Variants in ZMYM4 observed in about 807,000 individuals in gnomAD.
ZMYM4 encodes the protein zinc finger MYM-type containing 4.
In ZMYM4, 31 loss-of-function variants were observed where a neutral mutation model predicts 183.2. The ratio of observed to expected loss-of-function variants is 0.17; its 90% CI spans 0.13 to 0.23. The LOEUF (loss-of-function observed/expected upper bound fraction) is 0.23. Ranked by LOEUF, ZMYM4 falls within the 10% of genes least tolerant of loss-of-function variation. ZMYM4 has a pLI of 1.00. For synonymous variants in ZMYM4, 592 were observed against 631.2 expected (o/e 0.94, Z 0.93); for missense variants, 1,273 against 1,840.3 (o/e 0.69, Z 5.64).
At chr1:35,367,187 C>T (rs1486342658) in intron 5 of ZMYM4, among the ~76,000 whole-genome samples, 1 of 151,856 alleles carries the variant, frequency 6.6e-6, no homozygotes, top group African/African-American at 2.4e-5. Context: ...GTGGCAAATG[C>T]TGTTAAATGG....
intron 2 of ZMYM4, among the ~76,000 whole-genome samples, chr1:35,355,135 G>A (rs1277904367): frequency 3.3e-5 from 5 of 150,494 alleles, no homozygotes; most frequent in African/African-American, 1.2e-4. Flanking sequence ...CCAGGTTCAC[G>A]CCATTCTCCT....
At chr1:35,345,864 T>G (rs1328672937) in intron 2 of ZMYM4, among the ~76,000 whole-genome samples, 1 of 152,278 alleles carries the variant, frequency 6.6e-6, no homozygotes, top group East Asian at 1.9e-4. Context: ...ATTAACTGTT[T>G]ACATTGTTGT....
chr1:35,269,134 C>A, intron 1 of ZMYM4, 49 bp downstream of exon 1: 1 of 1,541,666 alleles, frequency 6.5e-7, no homozygotes, highest in Non-Finnish European at 8.7e-7. Flanking sequence ...GGGCGCGGCC[C>A]GGGGCCGGGA....
intron 1 of ZMYM4, among the ~76,000 whole-genome samples, chr1:35,285,034 G>A (rs1640405652): frequency 6.6e-6 from 1 of 152,010 alleles, no homozygotes; most frequent in African/African-American, 2.4e-5. Flanking sequence ...TGTTCTATTT[G>A]TCTATATGCC....
At chr1:35,351,169 C>T (rs1331532335) in intron 2 of ZMYM4, 2 of 1,253,846 alleles carry the variant, frequency 1.6e-6, no homozygotes, top group Non-Finnish European at 2.3e-6. Flanking sequence ...GCAGACCTTG[C>T]CAGAACTACC....
At chr1:35,296,426 A>ATTCT (rs1462943568) in intron 1 of ZMYM4, among the ~76,000 whole-genome samples, 1 of 152,216 alleles carries the variant, frequency 6.6e-6, no homozygotes, top group Non-Finnish European at 1.5e-5. Flanking sequence ...GTATCAGTAA[A>ATTCT]TTCTAACCAC....
At chr1:35,280,540 G>T (rs971458174) in intron 1 of ZMYM4, among the ~76,000 whole-genome samples, 2 of 152,196 alleles carry the variant, frequency 1.3e-5, no homozygotes, top group African/African-American at 4.8e-5. Context: ...AAACTTGGTG[G>T]TTTAAAATTA....
intron 1 of ZMYM4, among the ~76,000 whole-genome samples, chr1:35,304,166 C>T (rs909145395): frequency 3.9e-5 from 6 of 151,904 alleles, no homozygotes; most frequent in Non-Finnish European, 8.8e-5. Flanking sequence ...CTGGGATTAC[C>T]GGTGCATACC....
chr1:35,332,544 C>CA (rs1387208893), intron 2 of ZMYM4, among the ~76,000 whole-genome samples: 1 of 151,882 alleles, frequency 6.6e-6, no homozygotes. Flanking sequence ...TAACAGGACT[C>CA]AAAGACTGTG....
chr1:35,418,377 G>A, intron 28 of ZMYM4, 66 bp from the exon 29 acceptor site: 1 of 1,551,102 alleles, frequency 6.4e-7, no homozygotes, highest in Non-Finnish European at 8.8e-7. Context: ...AAGCTCATTG[G>A]TGTCTTGAGA....
At chr1:35,385,732 C>T (rs1455154021) in intron 10 of ZMYM4, 140 bp downstream of exon 10, 12 of 1,009,790 alleles carry the variant, frequency 1.2e-5, no homozygotes, top group Non-Finnish European at 1.6e-5. Flanking sequence ...TCACCTGTTA[C>T]CTTGATTGCT....
At chr1:35,385,027 T>C (rs1319031792) in intron 9 of ZMYM4, among the ~76,000 whole-genome samples, 1 of 152,026 alleles carries the variant, frequency 6.6e-6, no homozygotes, top group East Asian at 1.9e-4. Flanking sequence ...TGTATTTTTG[T>C]AGAGGCAGGG....
intron 22 of ZMYM4, 42 bp downstream of exon 22, chr1:35,399,085 A>G: frequency 1.3e-6 from 2 of 1,591,470 alleles, no homozygotes; most frequent in Non-Finnish European, 1.7e-6. Flanking sequence ...TTTTTATTTT[A>G]AAAGATCGGT....
chr1:35,305,193 C>T (rs1434796915), intron 1 of ZMYM4, among the ~76,000 whole-genome samples: 1 of 152,184 alleles, frequency 6.6e-6, no homozygotes, highest in African/African-American at 2.4e-5. Flanking sequence ...TGTAGTGTTT[C>T]TATAAATACC....
chr1:35,370,728 T>C, intron 7 of ZMYM4, 101 bp downstream of exon 7: 2 of 304,866 alleles, frequency 6.6e-6, no homozygotes, highest in Non-Finnish European at 7.6e-6. Context: ...CATTTATTCC[T>C]TTTTTTTTTT....
At chr1:35,399,449 A>G in intron 22 of ZMYM4, 33 bp from the exon 23 acceptor site, 6 of 1,584,860 alleles carry the variant, frequency 3.8e-6, no homozygotes, top group Non-Finnish European at 5.2e-6. Context: ...TGAGTTATTT[A>G]CCTCATGTTG....
Position 35,396,637 on chromosome 1 carries a change from A to G in ZMYM4, c.2997A>G (p.Gln999=). 1.9e-6 allele frequency: 3 copies of G among 1,613,640 alleles called. No individual in the cohort carries two copies. The highest frequency in any genetic ancestry group is 1.7e-6 in the Non-Finnish European group (2 of 1,179,710). ...FVPIPLHLYT[Q]YAPVPFGIPV... ...CCATACCTCTTCACCTTTATACTCA[A>G]TATGCTCCAGTCCCATTTGGAATTC... Residue 999 remains glutamine (Q), a synonymous_variant, in exon 19 of 30, where the codon CAA becomes CAG. Coordinates refer to ENST00000314607, the MANE Select transcript of ZMYM4 (RefSeq NM_005095.3).
At chr1:35,323,535 T>G (rs1642377889) in intron 1 of ZMYM4, among the ~76,000 whole-genome samples, 1 of 151,360 alleles carries the variant, frequency 6.6e-6, no homozygotes, top group Non-Finnish European at 1.5e-5. Context: ...CGTTTTTTGT[T>G]TTTTGTTTTT....
intron 1 of ZMYM4, among the ~76,000 whole-genome samples, chr1:35,314,380 G>A (rs1641942379): frequency 6.6e-6 from 1 of 151,940 alleles, no homozygotes; most frequent in South Asian, 2.1e-4. Flanking sequence ...CGCCTCCCGG[G>A]TTCCAGCGAT....
Sources: gnomAD v4.1 joint callset for allele counts (sites outside exome capture counted in the v4.1 genomes callset) on GRCh38, gnomAD v4.1.1 for gene constraint, MANE v1.5 for transcripts, NCBI Gene and HGNC (gene_info 2026-07-23, HGNC 2026-07-21) for gene names.